PEX11B: variants seen among roughly 807,000 people sequenced by gnomAD.
The protein encoded by PEX11B is peroxisomal biogenesis factor 11 beta.
A neutral mutation model predicts 28.2 loss-of-function variants in PEX11B; 18 were observed. The observed-to-expected ratio is 0.64, with a 90% CI of 0.44 to 0.95. PEX11B has a LOEUF of 0.95. Among genes scored for constraint, PEX11B ranks in the 40% least tolerant of loss-of-function variants. PEX11B has a pLI of 0.00. For synonymous variants in PEX11B, 128 were observed against 128.7 expected (o/e 0.99, Z 0.04); for missense variants, 305 against 319.8 (o/e 0.95, Z 0.35).
chr1:145,914,478 C>T (rs918618667), intron 3 of PEX11B, among the ~76,000 whole-genome samples: 5 of 152,152 alleles, frequency 3.3e-5, no homozygotes, highest in African/African-American at 4.8e-5. Flanking sequence ...GGCTTACAGA[C>T]TCAACATCTG....
chr1:145,917,384 T>C (rs1344062750), intron 2 of PEX11B, among the ~76,000 whole-genome samples: 3 of 152,090 alleles, frequency 2.0e-5, no homozygotes, highest in South Asian at 2.1e-4. Context: ...TGAGCCAAGA[T>C]TGCGCCACTG....
In PEX11B at chr1:145,912,197, G is replaced by A; in HGVS notation, c.744C>T (p.Leu248=). The A allele has an allele frequency of 6.2e-7, 1 of 1,613,138 alleles. No individual in the cohort carries two copies. Among genetic ancestry groups the A allele is most frequent in the Non-Finnish European group, 8.5e-7 (1 of 1,179,470 alleles). ...GTCGTAGCCAGGGATAGATTAGGGT[G>A]AGAATAGACAGGATGGAGGACACGA... ...CGLVSSILSI[L]TLIYPWLRLK... The change falls in exon 4 of 4, where the codon CTC becomes CTT. Residue 248 remains leucine (L), a synonymous_variant. Coordinates refer to ENST00000369306, the MANE Select transcript of PEX11B (RefSeq NM_003846.3).
Position 145,911,970 on chromosome 1 carries a change from T to A in PEX11B, c.*191A>T, listed in dbSNP as rs1570929708. On this transcript the variant is annotated 3_prime_UTR_variant, in exon 4 of 4. Coordinates refer to ENST00000369306, the MANE Select transcript of PEX11B (RefSeq NM_003846.3). ...CAGAAGCTCAGGCACATCTAGAAAT[T>A]AGAGACATCCTATTAACTTCACGAG... 2.3e-6 allele frequency: 1 copy of A among 439,148 alleles called. No homozygotes were observed. The allele number at this position is 439,148 out of a possible 1,614,324, so 27.2% of individuals were successfully genotyped here.
At position 145,918,703 on chromosome 1, in the gene PEX11B, A is replaced by T. The variant is rs1553754398; in HGVS notation, c.-15T>A. On this transcript the variant is annotated 5_prime_UTR_variant, in exon 1 of 4. Coordinates refer to ENST00000369306, the MANE Select transcript of PEX11B (RefSeq NM_003846.3). ...CAGGCGTCCATGACAGCCGCAGCCC[A>T]GGCTCCGCGGCCCTGCTCCCGCCCC... 6.4e-7 allele frequency: 1 copy of T among 1,550,456 alleles called. No individual in the cohort carries two copies. The highest frequency in any genetic ancestry group is 1.2e-5 in the South Asian group (1 of 85,030).
Position 145,912,456 on chromosome 1 carries a change from C to G in PEX11B, c.485G>C (p.Gly162Ala), listed in dbSNP as rs782288960. 3.9e-6 allele frequency: 6 copies of G among 1,526,662 alleles called. No homozygotes were observed. Among genetic ancestry groups the G allele is most frequent in the Non-Finnish European group, 5.3e-6 (6 of 1,137,376 alleles). The allele number at this position is 1,526,662 out of a possible 1,614,324, so 94.6% of individuals were successfully genotyped here. A position where few individuals can be genotyped will look rare whatever the true frequency, so the allele number is the denominator to read the frequency against. Reference protein sequence around the residue: ...ACSRRLKGSGGGVPGGSETGG... With the variant: ...ACSRRLKGSGAGVPGGSETGG... ...AGTTTCACTTCCTCCTGGGACTCCT[C>G]CTCCAGAACCTTTCAGTCGCCGGCT... Residue 162 changes from glycine to alanine, a missense_variant, in exon 4 of 4, where the codon GGA becomes GCA. Coordinates refer to ENST00000369306, the MANE Select transcript of PEX11B (RefSeq NM_003846.3).
At chr1:145,915,340 C>G (rs1647318795) in intron 3 of PEX11B, among the ~76,000 whole-genome samples, 1 of 152,156 alleles carries the variant, frequency 6.6e-6, no homozygotes, top group Non-Finnish European at 1.5e-5. Flanking sequence ...CTTTTCCATA[C>G]TGCTCCAGCC....
At chr1:145,918,131 C>G (rs1647516058) in intron 1 of PEX11B, 1 of 985,266 alleles carries the variant, frequency 1.0e-6, no homozygotes, top group African/African-American at 1.7e-5. Context: ...TGTACGTGAT[C>G]GATGAGGGGG....
chr1:145,914,816 A>G lies in PEX11B; in HGVS notation c.374+2001T>C, dbSNP rs1400062075. ...TGTTTTAATTTCCTGCATAACATTT[A>G]CCAGTATCTGATATTTTAATTTATT... On this transcript the variant is annotated intron_variant, in intron 3 of 3. Transcript: ENST00000369306. Among the ~76,000 whole-genome samples the G allele has an allele frequency of 3.5e-4, 54 of 152,216 alleles. 1 individual carries two copies. The highest frequency in any genetic ancestry group is 1.5e-4 in the Non-Finnish European group (10 of 68,044).
chr1:145,917,582 G>GT (rs1475420437), intron 2 of PEX11B, 119 bp downstream of exon 2: 1 of 684,842 alleles, frequency 1.5e-6, no homozygotes, highest in African/African-American at 1.7e-5. Context: ...CATGCAGAGG[G>GT]TAAGTGCAGA....
At chr1:145,914,633 T>C (rs1647279352) in intron 3 of PEX11B, among the ~76,000 whole-genome samples, 1 of 152,176 alleles carries the variant, frequency 6.6e-6, no homozygotes, top group Non-Finnish European at 1.5e-5. Context: ...CTACCTGGAA[T>C]ATTCTCCCTC....
In PEX11B at chr1:145,912,150, G is replaced by C. The variant is rs782096208; in HGVS notation, c.*11C>G. 3.8e-6 allele frequency: 6 copies of C among 1,578,212 alleles called. No homozygotes were observed. The highest frequency in any genetic ancestry group is 1.7e-6 in the Non-Finnish European group (2 of 1,161,014). On this transcript the variant is annotated 3_prime_UTR_variant, in exon 4 of 4. Transcript: ENST00000369306. ...CCAATTCAGGTCCCCTCCTTATCCTGTACCGGAAGGTCAGGGCTTGAGTCG... is the reference window on the plus strand; with the variant it reads ...CCAATTCAGGTCCCCTCCTTATCCTCTACCGGAAGGTCAGGGCTTGAGTCG...
chr1:145,914,660 C>T (rs1043673969), intron 3 of PEX11B, among the ~76,000 whole-genome samples: 9 of 152,146 alleles, frequency 5.9e-5, no homozygotes, highest in African/African-American at 2.2e-4. Flanking sequence ...GAATATTCTC[C>T]CTCCAAAACC....
intron 3 of PEX11B, among the ~76,000 whole-genome samples, chr1:145,916,294 T>C (rs1199928835): frequency 6.6e-6 from 1 of 152,216 alleles, no homozygotes; most frequent in Non-Finnish European, 1.5e-5. Context: ...AGCTAAAATA[T>C]TACTTTCTCA....
At position 145,912,431 on chromosome 1, in the gene PEX11B, A is replaced by C. The variant is rs782275834; in HGVS notation, c.510T>G (p.Thr170=). 2.2e-4 allele frequency: 339 copies of C among 1,572,544 alleles called. No homozygotes were observed. Among genetic ancestry groups the C allele is most frequent in the Non-Finnish European group, 2.9e-4 (334 of 1,158,490 alleles). The change falls in exon 4 of 4, where the codon ACT becomes ACG. Residue 170 remains threonine, a synonymous_variant. Transcript: ENST00000369306. The part of the protein sequence containing the change: ...SGGGVPGGSE[T]GGLGGPGTPG... The stretch of plus-strand genomic sequence containing the variant: ...GAGTCCCTGGTCCCCCAAGTCCCCC[A>C]GTTTCACTTCCTCCTGGGACTCCTC...
At chr1:145,918,129 A>T in intron 1 of PEX11B, 1 of 985,466 alleles carries the variant, frequency 1.0e-6, no homozygotes. Context: ...CATGTACGTG[A>T]TCGATGAGGG....
chr1:145,918,322 TATCCACCGTGGGGCGAATGCTCCTC>T, intron 1 of PEX11B: 1 of 1,501,954 alleles, frequency 6.7e-7, no homozygotes, highest in Non-Finnish European at 8.9e-7. Context: ...AGTCTGGGGC[TATCCACCGTGGGGCGAATGCTCCTC>T]ATTCCATCAC....
At position 145,918,652 on chromosome 1, in the gene PEX11B, C is replaced by G; in HGVS notation, c.37G>C (p.Ala13Pro). 8 of 1,592,842 alleles carry G rather than the reference C, an allele frequency of 5.0e-6. No homozygotes were observed. The highest frequency in any genetic ancestry group is 6.8e-6 in the Non-Finnish European group (8 of 1,171,088). Residue 13 changes from alanine (A) to proline (P), a missense_variant, in exon 1 of 4, where the codon GCC (alanine) becomes CCC (proline). Physicochemically the swap from Ala to Pro is conservative, Grantham distance 27. Coordinates refer to ENST00000369306, the MANE Select transcript of PEX11B (RefSeq NM_003846.3). ...CCGCACCTACACAGCCGCTCCCGGG[C>G]TTGGCTCTGAGCACTGAAGCGGACC... ...AWVRFSAQSQ[A>P]RERLCRAAQY...
At chr1:145,918,518 G>C in intron 1 of PEX11B, 115 bp downstream of exon 1, 1 of 1,539,882 alleles carries the variant, frequency 6.5e-7, no homozygotes. Context: ...TCGGGCCCCC[G>C]TAGCCGGAGT....
In PEX11B at chr1:145,911,999, T is replaced by C. The variant is rs1657813646; in HGVS notation, c.*162A>G. 1 of 510,404 alleles carries C rather than the reference T, an allele frequency of 2.0e-6. No individual in the cohort carries two copies. Among genetic ancestry groups the C allele is most frequent in the South Asian group, 4.1e-5 (1 of 24,664 alleles). 31.6% of individuals were successfully genotyped at this position (510,404 alleles called of 1,614,324 possible). A position where few individuals can be genotyped will look rare whatever the true frequency, so the allele number is the denominator to read the frequency against. ...GACATCCTATTAACTTCACGAGTCA[T>C]CTTTCCTTACCTCATCTTCCCCAAA... On this transcript the variant is annotated 3_prime_UTR_variant, in exon 4 of 4. Transcript: ENST00000369306.
Sources: allele counts gnomAD v4.1 joint callset (sites outside exome capture counted in the v4.1 genomes callset), GRCh38; gene constraint gnomAD v4.1.1; transcripts MANE v1.5; gene names NCBI Gene and HGNC (gene_info 2026-07-23, HGNC 2026-07-21).